Variants in ARID5B observed in about 807,000 individuals in gnomAD.
ARID5B encodes AT-rich interactive domain-containing protein 5B.
A neutral mutation model predicts 97.2 loss-of-function variants in ARID5B; 13 were observed. The ratio of observed to expected loss-of-function variants is 0.13; its 90% confidence interval spans 0.09 to 0.21. The LOEUF (loss-of-function observed/expected upper bound fraction) is 0.21, where lower values mean the gene tolerates loss of function less well. ARID5B is among the 10% of genes least tolerant of loss of function. ARID5B has a pLI of 1.00. For missense variants in ARID5B, 1,210 were observed against 1,465.3 expected (o/e 0.83, Z 2.84); for synonymous variants, 556 against 570.3 (o/e 0.97, Z 0.36).
At chr10:61,968,584 C>A (rs117391089) in intron 3 of ARID5B, among the ~76,000 whole-genome samples, 1 of 152,118 alleles carries the variant, frequency 6.6e-6, no homozygotes, top group Non-Finnish European at 1.5e-5. Context: ...GGTACAGTTC[C>A]GTGCTCTTTT....
chr10:62,024,161 A>G (rs998308104), intron 4 of ARID5B, among the ~76,000 whole-genome samples: 2 of 152,248 alleles, frequency 1.3e-5, no homozygotes, highest in African/African-American at 2.4e-5. Context: ...TATGTACCAG[A>G]TAATCCATGA....
intron 2 of ARID5B, among the ~76,000 whole-genome samples, chr10:61,908,820 A>AAAAAAAAAAAAAGAAG (rs1251041161): frequency 6.8e-6 from 1 of 146,258 alleles, no homozygotes; most frequent in African/African-American, 2.7e-5. Flanking sequence ...AAAAAAAAAA[A>AAAAAAAAAAAAAGAAG]AAGAAGAAGA....
chr10:61,910,260 T>C (rs937547041), intron 2 of ARID5B, among the ~76,000 whole-genome samples: 1 of 152,252 alleles, frequency 6.6e-6, no homozygotes, highest in African/African-American at 2.4e-5. Flanking sequence ...TCTAGTGATA[T>C]ATGACTCAAG....
At chr10:62,007,452 T>A (rs974655486) in intron 4 of ARID5B, among the ~76,000 whole-genome samples, 1 of 152,174 alleles carries the variant, frequency 6.6e-6, no homozygotes, top group Non-Finnish European at 1.5e-5. Context: ...GACAGAAAAT[T>A]TCCCACTTTT....
chr10:61,904,104 C>G (rs1257058245), intron 2 of ARID5B, among the ~76,000 whole-genome samples: 1 of 149,688 alleles, frequency 6.7e-6, no homozygotes. Context: ...TCCCTCTCCC[C>G]CTCCTGATTT....
intron 4 of ARID5B, among the ~76,000 whole-genome samples, chr10:62,037,265 C>T (rs796852983): frequency 2.0e-5 from 3 of 152,288 alleles, no homozygotes; most frequent in East Asian, 1.9e-4. Flanking sequence ...CCCTGAGCCC[C>T]GAGGCTGTGG....
intron 3 of ARID5B, among the ~76,000 whole-genome samples, chr10:61,951,796 A>C (rs1298871066): frequency 6.6e-6 from 1 of 152,234 alleles, no homozygotes; most frequent in Non-Finnish European, 1.5e-5. Context: ...ATTTTTCCTC[A>C]TAAAAATAAA....
chr10:62,017,228 G>A (rs932580858), intron 4 of ARID5B, among the ~76,000 whole-genome samples: 5 of 152,136 alleles, frequency 3.3e-5, no homozygotes, highest in Non-Finnish European at 5.9e-5. Context: ...CAAGGTGGGT[G>A]GATCACCTGA....
intron 8 of ARID5B, 58 bp from the exon 9 acceptor site, chr10:62,085,644 G>A: frequency 7.2e-7 from 1 of 1,389,590 alleles, no homozygotes; most frequent in Non-Finnish European, 1.0e-6. Context: ...AACCCCCATA[G>A]CATTGATGCT....
intron 3 of ARID5B, among the ~76,000 whole-genome samples, chr10:61,997,506 G>T (rs763587487): frequency 6.6e-6 from 1 of 152,164 alleles, no homozygotes; most frequent in Non-Finnish European, 1.5e-5. Context: ...TTCAACCTGA[G>T]AGCACACACA....
chr10:61,903,675 G>T (rs1400712420), intron 2 of ARID5B, among the ~76,000 whole-genome samples: 1 of 152,166 alleles, frequency 6.6e-6, no homozygotes. Context: ...ATGGTTTCCC[G>T]TTTAACTCAT....
intron 3 of ARID5B, among the ~76,000 whole-genome samples, chr10:61,978,168 G>A (rs1352483001): frequency 3.3e-5 from 5 of 152,168 alleles, no homozygotes; most frequent in Non-Finnish European, 7.3e-5. Context: ...TCAGATGGTT[G>A]TAGATGTGTG....
intron 4 of ARID5B, among the ~76,000 whole-genome samples, chr10:62,010,958 G>A (rs906062964): frequency 4.6e-5 from 7 of 152,206 alleles, no homozygotes; most frequent in African/African-American, 1.7e-4. Flanking sequence ...ATAGATCACA[G>A]TTTGGGCTGG....
At chr10:61,990,856 G>A (rs1838913900) in intron 3 of ARID5B, among the ~76,000 whole-genome samples, 1 of 152,062 alleles carries the variant, frequency 6.6e-6, no homozygotes, top group Non-Finnish European at 1.5e-5. Context: ...TCTATTTCTA[G>A]AACTTTTTCA....
chr10:62,001,211 G>A (rs371315025), intron 4 of ARID5B, among the ~76,000 whole-genome samples: 8 of 152,028 alleles, frequency 5.3e-5, no homozygotes, highest in African/African-American at 1.4e-4. Flanking sequence ...ATACCCTGGG[G>A]TAGCCTTATC....
intron 4 of ARID5B, among the ~76,000 whole-genome samples, chr10:62,021,179 A>T (rs1484980475): frequency 5.3e-5 from 8 of 151,744 alleles, no homozygotes; most frequent in Non-Finnish European, 1.2e-4. Context: ...TCCCACAAAT[A>T]CTCACTCTGG....
At chr10:61,964,150 C>T (rs10821937) in intron 3 of ARID5B, among the ~76,000 whole-genome samples, 104,553 of 151,864 alleles carry the variant, frequency 0.69, 36,414 homozygotes, top group African/African-American at 0.77. Context: ...GGACACAAAC[C>T]TCAGGGCCAC....
intron 2 of ARID5B, among the ~76,000 whole-genome samples, chr10:61,913,714 G>T (rs1843848796): frequency 6.6e-6 from 1 of 152,190 alleles, no homozygotes; most frequent in Non-Finnish European, 1.5e-5. Flanking sequence ...CTCATGGAGA[G>T]TATGGACTTT....
At chr10:61,923,081 G>A (rs1279047856) in intron 2 of ARID5B, among the ~76,000 whole-genome samples, 1 of 152,144 alleles carries the variant, frequency 6.6e-6, no homozygotes, top group Non-Finnish European at 1.5e-5. Context: ...AAGAAAAGGG[G>A]TCTGGATTCA....
Sources: allele counts gnomAD v4.1 joint callset (sites outside exome capture counted in the v4.1 genomes callset), GRCh38; gene constraint gnomAD v4.1.1; transcripts MANE v1.5; gene names NCBI Gene and HGNC (gene_info 2026-07-23, HGNC 2026-07-21).